Variants in MTA3 observed in about 807,000 individuals in gnomAD.
MTA3 encodes metastasis-associated protein MTA3.
A neutral mutation model predicts 83.5 loss-of-function variants in MTA3; 34 were observed. The observed-to-expected ratio is 0.41, with a 90% CI of 0.31 to 0.54. The LOEUF (loss-of-function observed/expected upper bound fraction) is 0.54, where lower values mean the gene tolerates loss of function less well. Ranked by LOEUF, MTA3 falls within the 20% of genes least tolerant of loss-of-function variation. The probability of loss-of-function intolerance (pLI) is 0.33; values close to 1 mark genes in which losing one functional copy is unlikely to be tolerated. For missense variants in MTA3, 761 were observed against 726.4 expected, an observed-to-expected ratio of 1.05 and a Z score of -0.55; for synonymous variants, 303 against 252.7, an observed-to-expected ratio of 1.20 and a Z score of -1.89.
chr2:42,583,845 T>C (rs2103893570), intron 3 of MTA3, among the ~76,000 whole-genome samples: 1 of 149,428 alleles, frequency 6.7e-6, no homozygotes, highest in East Asian at 2.0e-4. Context: ...TGGACTCTTT[T>C]TTTGTTTTGT....
In MTA3 at chr2:42,708,972, T is replaced by C. The variant is rs1358315152; in HGVS notation, c.1401T>C (p.Ala467=). Residue 467 remains alanine (A), a synonymous_variant, in exon 14 of 17, where the codon GCT becomes GCC. Coordinates refer to ENST00000405094, the MANE Select transcript of MTA3 (RefSeq NM_001330442.2). The part of the protein sequence containing the change: ...SPKSAVKTRQ[A]FFLHTTYFTK... ...AGTCTGCAGTGAAGACCCGCCAAGC[T>C]TTCTTCCTTCATACTACATATTTCA... The C allele has an allele frequency of 1.9e-6, 3 of 1,614,040 alleles. No individual in the cohort carries two copies.
At chr2:42,636,927 C>A (rs1037249894) in intron 4 of MTA3, among the ~76,000 whole-genome samples, 1 of 152,082 alleles carries the variant, frequency 6.6e-6, no homozygotes, top group African/African-American at 2.4e-5. Flanking sequence ...GCCTGGCCCT[C>A]CTCTTTCATT....
At chr2:42,729,237 C>T (rs997468075) in intron 16 of MTA3, among the ~76,000 whole-genome samples, 6 of 151,524 alleles carry the variant, frequency 4.0e-5, no homozygotes, top group Admixed American at 6.6e-5. Context: ...GCTGGGACTA[C>T]AGGCGCCCAC....
In MTA3 at chr2:42,707,907, A is replaced by G. The variant is rs755690925; in HGVS notation, c.1155A>G (p.Thr385=). 1.7e-4 allele frequency: 263 copies of G among 1,559,318 alleles called. No individual in the cohort carries two copies. Among genetic ancestry groups the G allele is most frequent in the Non-Finnish European group, 2.1e-4 (247 of 1,157,772 alleles). The change falls in exon 13 of 17, where the codon ACA becomes ACG. Residue 385 remains threonine (T), a synonymous_variant. Transcript: ENST00000405094. ...CTTATTTTTCTTCTGCTTTAGCTAC[A>G]CAGTCTCACCAGTGGTATTCTTGGG... ...LGRACESCYA[T]QSHQWYSWGP...
intron 2 of MTA3, among the ~76,000 whole-genome samples, chr2:42,574,584 C>G (rs1354054849): frequency 1.3e-5 from 2 of 152,036 alleles, no homozygotes; most frequent in African/African-American, 4.8e-5. Context: ...TTACAGGCAC[C>G]TGCCACCACA....
chr2:42,559,745 G>C (rs529325972), intron 2 of MTA3, among the ~76,000 whole-genome samples: 1 of 146,172 alleles, frequency 6.8e-6, no homozygotes, highest in Non-Finnish European at 1.5e-5. Flanking sequence ...GCGTGGTAGC[G>C]CATGCCTGTA....
At chr2:42,644,285 T>C (rs754657780) in intron 6 of MTA3, 41 bp downstream of exon 6, 18 of 1,380,586 alleles carry the variant, frequency 1.3e-5, no homozygotes, top group Admixed American at 3.6e-5. Context: ...GAAACAAATA[T>C]ATCTTGAAAC....
At chr2:42,560,637 G>T (rs1365942289) in intron 2 of MTA3, among the ~76,000 whole-genome samples, 1 of 151,712 alleles carries the variant, frequency 6.6e-6, no homozygotes, top group Non-Finnish European at 1.5e-5. Flanking sequence ...TGGCACGGTG[G>T]CTCACACCTG....
chr2:42,708,353 A>T (rs1226181161), intron 13 of MTA3, among the ~76,000 whole-genome samples: 1 of 152,236 alleles, frequency 6.6e-6, no homozygotes, highest in Non-Finnish European at 1.5e-5. Context: ...TAACCTTTAC[A>T]TTCTGTTGAA....
At chr2:42,559,661 C>A (rs1163499686) in intron 2 of MTA3, among the ~76,000 whole-genome samples, 1 of 150,432 alleles carries the variant, frequency 6.6e-6, no homozygotes, top group Non-Finnish European at 1.5e-5. Context: ...GGTGGATCAC[C>A]TGAGGTCGGG....
intron 2 of MTA3, among the ~76,000 whole-genome samples, chr2:42,524,306 T>TA (rs200677836): frequency 1.4e-4 from 21 of 145,068 alleles, no homozygotes; most frequent in Admixed American, 2.8e-4. Context: ...TTATTATTAT[T>TA]TTTTTTTTTT....
At chr2:42,643,334 A>G (rs1007324188) in intron 5 of MTA3, among the ~76,000 whole-genome samples, 1 of 152,160 alleles carries the variant, frequency 6.6e-6, no homozygotes, top group African/African-American at 2.4e-5. Context: ...TCGTAGTGGA[A>G]AGCAGAAGAT....
chr2:42,642,376 C>T (rs556869034), intron 5 of MTA3, among the ~76,000 whole-genome samples: 1 of 152,010 alleles, frequency 6.6e-6, no homozygotes. Context: ...CTGATGGTGG[C>T]TTCATGTGGG....
chr2:42,637,025 A>G (rs1687272029), intron 4 of MTA3, among the ~76,000 whole-genome samples: 1 of 152,196 alleles, frequency 6.6e-6, no homozygotes, highest in African/African-American at 2.4e-5. Flanking sequence ...ATTATATGGG[A>G]CATACCATTA....
At chr2:42,625,599 T>G (rs1230946802) in intron 4 of MTA3, among the ~76,000 whole-genome samples, 2 of 150,128 alleles carry the variant, frequency 1.3e-5, no homozygotes, top group African/African-American at 5.0e-5. Context: ...ACAAAAAAAT[T>G]AGCTGGGCGT....
At chr2:42,659,684 A>C (rs1478327799) in intron 7 of MTA3, 79 bp from the exon 8 acceptor site, 12 of 1,097,410 alleles carry the variant, frequency 1.1e-5, no homozygotes, top group Non-Finnish European at 1.5e-5. Context: ...TTACTATCCA[A>C]ATGTGTTTTT....
At chr2:42,676,053 G>T (rs1460204948) in intron 8 of MTA3, among the ~76,000 whole-genome samples, 1 of 152,106 alleles carries the variant, frequency 6.6e-6, no homozygotes, top group Non-Finnish European at 1.5e-5. Flanking sequence ...CCTCTCCTTT[G>T]GTCTTTGGTA....
intron 3 of MTA3, among the ~76,000 whole-genome samples, chr2:42,609,076 G>C (rs1389373369): frequency 1.4e-5 from 2 of 140,898 alleles, no homozygotes; most frequent in African/African-American, 5.4e-5. Context: ...CTTTCACTCA[G>C]GCTGGTGTGA....
In MTA3 at chr2:42,706,826, C is replaced by T. The variant is rs1024816629; in HGVS notation, c.1151-1077C>T. On this transcript the variant is annotated intron_variant, in intron 12 of 16. Transcript: ENST00000405094. ...TGCTGTGATGTCAGCTGCCCATGCT[C>T]ACTTCATATGGATTTAGAGTCTTGA... 1.4e-4 allele frequency among the ~76,000 whole-genome samples: 21 copies of T among 152,328 alleles called. 1 individual carries two copies. The South Asian group carries it at 3.5e-3, about 26-fold the overall frequency.
Sources: allele counts gnomAD v4.1 joint callset (sites outside exome capture counted in the v4.1 genomes callset), GRCh38; gene constraint gnomAD v4.1.1; transcripts MANE v1.5; gene names NCBI Gene and HGNC (gene_info 2026-07-23, HGNC 2026-07-21).